Variants in HIVEP1 observed in about 807,000 individuals in gnomAD.
The protein encoded by HIVEP1 is HIVEP zinc finger 1.
A neutral mutation model predicts 180.0 loss-of-function variants in HIVEP1; 36 were observed. The ratio of observed to expected loss-of-function variants is 0.20; its 90% confidence interval spans 0.15 to 0.26. HIVEP1 has a LOEUF of 0.26. Ranked by LOEUF, HIVEP1 falls within the 10% of genes least tolerant of loss-of-function variation. The pLI, the probability that HIVEP1 is intolerant of heterozygous loss-of-function variation, is 1.00. For synonymous variants in HIVEP1, 1,239 were observed against 1,239.0 expected, an observed-to-expected ratio of 1.00 and a Z score of 0.00; for missense variants, 3,143 against 3,268.7, an observed-to-expected ratio of 0.96 and a Z score of 0.94.
At chr6:12,156,295 T>C (rs2113669233) in intron 7 of HIVEP1, among the ~76,000 whole-genome samples, 1 of 152,322 alleles carries the variant, frequency 6.6e-6, no homozygotes, top group South Asian at 2.1e-4. Flanking sequence ...GTTTTCGTCA[T>C]AAAATCTTTG....
intron 3 of HIVEP1, among the ~76,000 whole-genome samples, chr6:12,114,566 G>A (rs1249976111): frequency 6.6e-6 from 1 of 151,848 alleles, no homozygotes; most frequent in East Asian, 1.9e-4. Context: ...AGCTCTCACC[G>A]CATATTCCCA....
chr6:12,083,086 G>A (rs1036582357), intron 2 of HIVEP1, among the ~76,000 whole-genome samples: 1 of 152,100 alleles, frequency 6.6e-6, no homozygotes, highest in African/African-American at 2.4e-5. Flanking sequence ...GCCTGTTAAT[G>A]CACTACCTTC....
rs1365746898 is a variant in HIVEP1, at chr6:12,144,757, GAC to G, written c.6487+8869_6487+8870del. On this transcript the variant is annotated intron_variant, in intron 7 of 8. Coordinates refer to ENST00000379388, the MANE Select transcript of HIVEP1 (RefSeq NM_002114.4). The stretch of plus-strand genomic sequence containing the variant: ...AAAGAAGACATTTATGCAGCCAACA[GAC>G]ACATGAAAAAATGCTCATCATCACT... Among the ~76,000 whole-genome samples, 6 of 152,274 alleles carry G rather than the reference GAC, an allele frequency of 3.9e-5. No homozygotes were observed. In the East Asian group the frequency reaches 1.2e-3, roughly 29 times the overall value.
chr6:12,151,932 G>T (rs1286177321), intron 7 of HIVEP1, among the ~76,000 whole-genome samples: 2 of 152,130 alleles, frequency 1.3e-5, no homozygotes, highest in African/African-American at 4.8e-5. Flanking sequence ...GAGGCGGGTG[G>T]ATCACCTGAG....
intron 3 of HIVEP1, among the ~76,000 whole-genome samples, chr6:12,106,991 C>G (rs1774469751): frequency 6.6e-6 from 1 of 152,158 alleles, no homozygotes; most frequent in Admixed American, 6.5e-5. Flanking sequence ...AGGTATCTTT[C>G]TGCTATTTCT....
intron 6 of HIVEP1, among the ~76,000 whole-genome samples, chr6:12,132,387 G>A (rs924970516): frequency 6.6e-6 from 1 of 151,986 alleles, no homozygotes; most frequent in Non-Finnish European, 1.5e-5. Context: ...TCAAATACAA[G>A]AAGATCAAGA....
intron 3 of HIVEP1, among the ~76,000 whole-genome samples, chr6:12,118,697 C>A (rs1167277994): frequency 6.6e-6 from 1 of 151,976 alleles, no homozygotes; most frequent in African/African-American, 2.4e-5. Context: ...TTTTTTAAAC[C>A]AAGGCCCATT....
chr6:12,199,898 T>G, the HIVEP1 span, among the ~76,000 whole-genome samples: 1 of 152,322 alleles, frequency 6.6e-6, no homozygotes, highest in South Asian at 2.1e-4. Flanking sequence ...GGTGCTGCCC[T>G]GTCTGTGGTG....
intron 2 of HIVEP1, among the ~76,000 whole-genome samples, chr6:12,058,414 C>CT (rs1771010214): frequency 6.6e-6 from 1 of 152,120 alleles, no homozygotes; most frequent in Non-Finnish European, 1.5e-5. Flanking sequence ...AGTTGGCTGG[C>CT]TCTTTTGAAG....
At chr6:12,195,229 C>G in the HIVEP1 span, among the ~76,000 whole-genome samples, 4 of 152,294 alleles carry the variant, frequency 2.6e-5, no homozygotes, top group African/African-American at 9.6e-5. Context: ...AGACGAGTTC[C>G]CTGAGAGCAT....
At chr6:12,037,511 G>T (rs1769361919) in intron 2 of HIVEP1, among the ~76,000 whole-genome samples, 2 of 152,128 alleles carry the variant, frequency 1.3e-5, no homozygotes, top group African/African-American at 4.8e-5. Context: ...GCATTTTATT[G>T]CTGGACTGTA....
intron 4 of HIVEP1, among the ~76,000 whole-genome samples, chr6:12,126,423 A>C (rs1031740692): frequency 2.0e-5 from 3 of 152,246 alleles, no homozygotes; most frequent in African/African-American, 7.2e-5. Context: ...AGTTTCACAA[A>C]ATAATTCATA....
At chr6:12,176,207 G>T in the HIVEP1 span, among the ~76,000 whole-genome samples, 1 of 150,846 alleles carries the variant, frequency 6.6e-6, no homozygotes, top group African/African-American at 2.4e-5. Flanking sequence ...TTTGACTCGG[G>T]GTAATTTTGT....
chr6:12,170,046 G>A, the HIVEP1 span, among the ~76,000 whole-genome samples: 2 of 152,030 alleles, frequency 1.3e-5, no homozygotes, highest in African/African-American at 2.4e-5. Context: ...GCATGAACCT[G>A]GGAGGCAGAG....
chr6:12,178,023 G>A, the HIVEP1 span, among the ~76,000 whole-genome samples: 1 of 152,130 alleles, frequency 6.6e-6, no homozygotes, highest in Non-Finnish European at 1.5e-5. Flanking sequence ...ATGTTTACTA[G>A]GGAAAATATA....
Position 12,015,677 on chromosome 6 carries a change from T to C in HIVEP1, c.40+9T>C, listed in dbSNP as rs1326728131. 19 of 1,611,214 alleles carry C rather than the reference T, an allele frequency of 1.2e-5. No individual in the cohort carries two copies. The highest frequency in any genetic ancestry group is 1.5e-5 in the Non-Finnish European group (18 of 1,177,960). On this transcript the variant is annotated intron_variant, in intron 2 of 8. Transcript: ENST00000379388. The stretch of plus-strand genomic sequence containing the variant: ...TCCCAGAAATCTAAGAGGTAAAGCA[T>C]TGCATTAAGTAGAAGTAAGGCTTGC...
chr6:12,050,441 C>A lies in HIVEP1; in HGVS notation c.40+34773C>A, dbSNP rs138237998. Among the ~76,000 whole-genome samples the A allele has an allele frequency of 3.4e-3, 515 of 152,174 alleles. 2 individuals carry two copies. The highest frequency in any genetic ancestry group is 0.012 in the African/African-American group (488 of 41,516). On this transcript the variant is annotated intron_variant, in intron 2 of 8. Transcript: ENST00000379388. ...TCTACTAAAAATTCAAAAACACTAGCCGGGCGTAGTGGCAGGCACCTGTAG... is the reference window on the plus strand; with the variant it reads ...TCTACTAAAAATTCAAAAACACTAGACGGGCGTAGTGGCAGGCACCTGTAG...
the HIVEP1 span, among the ~76,000 whole-genome samples, chr6:12,207,742 A>AAATAATAATAATAATAATAATAAT: frequency 0.091 from 12,529 of 138,006 alleles, 771 homozygotes; most frequent in Non-Finnish European, 0.12. Flanking sequence ...AGTCTCTACA[A>AAATAATAATAATAATAATAATAAT]AATAATAATA....
chr6:12,127,394 T>A (rs1758150037), intron 4 of HIVEP1, among the ~76,000 whole-genome samples: 1 of 152,240 alleles, frequency 6.6e-6, no homozygotes, highest in Non-Finnish European at 1.5e-5. Flanking sequence ...CTAAATCTAC[T>A]AAATCTTGGA....
Sources: gnomAD v4.1 joint callset for allele counts (sites outside exome capture counted in the v4.1 genomes callset) on GRCh38, gnomAD v4.1.1 for gene constraint, MANE v1.5 for transcripts, NCBI Gene and HGNC (gene_info 2026-07-23, HGNC 2026-07-21) for gene names.